Variants in FAM210A observed in about 807,000 individuals in gnomAD.
FAM210A encodes family with sequence similarity 210 member A.
In FAM210A, 13 loss-of-function variants were observed where a neutral mutation model predicts 25.3. The observed-to-expected ratio is 0.51, with a 90% CI of 0.33 to 0.82. FAM210A has a LOEUF of 0.82. Ranked by LOEUF, FAM210A falls within the 40% of genes least tolerant of loss-of-function variation. FAM210A has a pLI of 0.02. For missense variants in FAM210A, 319 were observed against 323.2 expected (o/e 0.99, Z 0.10); for synonymous variants, 125 against 118.7 (o/e 1.05, Z -0.35).
intron 1 of FAM210A, among the ~76,000 whole-genome samples, chr18:13,699,096 C>T (rs1026177096): frequency 6.6e-5 from 10 of 152,176 alleles, no homozygotes; most frequent in African/African-American, 2.2e-4. Context: ...CGTGAGCCAC[C>T]GCCTGGCCTC....
intron 1 of FAM210A, among the ~76,000 whole-genome samples, chr18:13,699,853 C>T (rs1364902183): frequency 1.3e-5 from 2 of 152,150 alleles, no homozygotes; most frequent in Non-Finnish European, 2.9e-5. Context: ...ATGACCTGGT[C>T]AAACCAAGCT....
chr18:13,698,193 A>C (rs897860575), intron 1 of FAM210A, among the ~76,000 whole-genome samples: 2 of 151,902 alleles, frequency 1.3e-5, no homozygotes, highest in African/African-American at 4.8e-5. Flanking sequence ...TCCTTACTAA[A>C]AATACAAAAA....
At chr18:13,696,750 C>CTTAT (rs1288192787) in intron 1 of FAM210A, among the ~76,000 whole-genome samples, 12 of 151,910 alleles carry the variant, frequency 7.9e-5, no homozygotes, top group African/African-American at 2.9e-4. Flanking sequence ...TAGGCAAAAG[C>CTTAT]TTATAAGCAT....
intron 1 of FAM210A, among the ~76,000 whole-genome samples, chr18:13,706,903 A>C (rs770853503): frequency 1.2e-4 from 18 of 152,204 alleles, no homozygotes; most frequent in Non-Finnish European, 2.2e-4. Context: ...CATTTAGCTC[A>C]TTCTTTGATC....
In FAM210A at chr18:13,700,416, C is replaced by A. The variant is rs375204679; in HGVS notation, c.-28-18311G>T. Among the ~76,000 whole-genome samples, 22 of 152,308 alleles carry A rather than the reference C, an allele frequency of 1.4e-4. No individual in the cohort carries two copies. The East Asian group carries it at 3.1e-3, about 21-fold the overall frequency. On this transcript the variant is annotated intron_variant, in intron 1 of 3. Coordinates refer to ENST00000651643, the MANE Select transcript of FAM210A (RefSeq NM_152352.4). ...TCCCTGCTGTTCCTATAGACAGAAT[C>A]TCTGACACCGGACCTTTTAACCTAA...
rs1349698984 is a variant in FAM210A at position 13,664,096 on chromosome 18, C to T, written c.*2384G>A. The stretch of plus-strand genomic sequence containing the variant: ...ACTTAAGGACTAGGTTAGCAATATG[C>T]TAGCAACAACATTTTTGTAACATTC... On this transcript the variant is annotated 3_prime_UTR_variant, in exon 4 of 4. Transcript: ENST00000651643. The T allele has an allele frequency of 1.3e-5, 2 of 152,040 alleles. No homozygotes were observed. Among genetic ancestry groups the T allele is most frequent in the Non-Finnish European group, 2.9e-5 (2 of 68,000 alleles). The allele number at this position is 152,040 out of a possible 1,614,324, so 9.4% of individuals were successfully genotyped here.
At chr18:13,674,977 C>A (rs2043479694) in intron 2 of FAM210A, among the ~76,000 whole-genome samples, 1 of 147,662 alleles carries the variant, frequency 6.8e-6, no homozygotes, top group Non-Finnish European at 1.5e-5. Flanking sequence ...CATTCCTGAG[C>A]CCTGGCTTCT....
chr18:13,716,930 C>T (rs1294812141), intron 1 of FAM210A, among the ~76,000 whole-genome samples: 1 of 152,188 alleles, frequency 6.6e-6, no homozygotes, highest in Non-Finnish European at 1.5e-5. Context: ...ACACAGGGAG[C>T]CCGCCTAAGG....
chr18:13,712,233 A>T (rs967740441), intron 1 of FAM210A, among the ~76,000 whole-genome samples: 2 of 152,218 alleles, frequency 1.3e-5, no homozygotes, highest in African/African-American at 4.8e-5. Flanking sequence ...AAAATATACT[A>T]TTAAGACACA....
intron 1 of FAM210A, among the ~76,000 whole-genome samples, chr18:13,710,898 T>C (rs962169579): frequency 6.6e-6 from 1 of 152,222 alleles, no homozygotes; most frequent in African/African-American, 2.4e-5. Context: ...ACTCTTTGTG[T>C]ACTCAAATAG....
intron 1 of FAM210A, among the ~76,000 whole-genome samples, chr18:13,703,052 C>T (rs2043753191): frequency 6.6e-6 from 1 of 152,142 alleles, no homozygotes; most frequent in South Asian, 2.1e-4. Flanking sequence ...GCACCAGAGA[C>T]CCCATTTTGG....
chr18:13,713,763 C>T (rs2043839922), intron 1 of FAM210A, among the ~76,000 whole-genome samples: 1 of 151,620 alleles, frequency 6.6e-6, no homozygotes, highest in South Asian at 2.1e-4. Flanking sequence ...CGTTTAGAGA[C>T]AGGGTCTTGC....
intron 1 of FAM210A, among the ~76,000 whole-genome samples, chr18:13,706,436 C>T (rs1364410837): frequency 6.6e-6 from 1 of 151,986 alleles, no homozygotes; most frequent in East Asian, 1.9e-4. Context: ...ATATGGATAA[C>T]CTTATACCTT....
At chr18:13,688,965 T>C (rs964595580) in intron 1 of FAM210A, among the ~76,000 whole-genome samples, 2 of 152,232 alleles carry the variant, frequency 1.3e-5, no homozygotes, top group Non-Finnish European at 2.9e-5. Context: ...CCAGTTCCCA[T>C]GCTCATTTGC....
At chr18:13,721,457 G>A (rs990590839) in intron 1 of FAM210A, among the ~76,000 whole-genome samples, 1 of 152,230 alleles carries the variant, frequency 6.6e-6, no homozygotes, top group Middle Eastern at 3.4e-3. Flanking sequence ...GGTTGAATGC[G>A]AATATGTCAG....
intron 1 of FAM210A, among the ~76,000 whole-genome samples, chr18:13,691,457 G>A (rs2043643968): frequency 6.6e-6 from 1 of 152,162 alleles, no homozygotes; most frequent in Non-Finnish European, 1.5e-5. Context: ...ATAATTGTCA[G>A]ATTCGCCAAA....
intron 1 of FAM210A, among the ~76,000 whole-genome samples, chr18:13,718,488 T>C (rs1275575675): frequency 1.3e-5 from 2 of 152,090 alleles, no homozygotes; most frequent in East Asian, 1.9e-4. Flanking sequence ...CATGTAATAG[T>C]TCATAACTTG....
rs929120639 is a variant in FAM210A at position 13,663,785 on chromosome 18, A to G, written c.*2695T>C. 1 of 152,112 alleles carries G rather than the reference A, an allele frequency of 6.6e-6. No homozygotes were observed. The highest frequency in any genetic ancestry group is 1.5e-5 in the Non-Finnish European group (1 of 68,046). 9.4% of individuals were successfully genotyped at this position (152,112 alleles called of 1,614,324 possible). ...AGCTATGATCATGCCACTGCACTCT[A>G]GCCTGGGTGACAGAGTGAGACTCTG... On this transcript the variant is annotated 3_prime_UTR_variant, in exon 4 of 4. Coordinates refer to ENST00000651643, the MANE Select transcript of FAM210A (RefSeq NM_152352.4).
chr18:13,713,921 C>T (rs2043840870), intron 1 of FAM210A, among the ~76,000 whole-genome samples: 1 of 152,106 alleles, frequency 6.6e-6, no homozygotes, highest in Admixed American at 6.6e-5. Flanking sequence ...CTCCCAGTTG[C>T]CCAACATTAC....
Sources: allele counts gnomAD v4.1 joint callset (sites outside exome capture counted in the v4.1 genomes callset), GRCh38; gene constraint gnomAD v4.1.1; transcripts MANE v1.5; gene names NCBI Gene and HGNC (gene_info 2026-07-23, HGNC 2026-07-21).